The following LARS2 variants were observed in gnomAD, a reference collection of about 807,000 sequenced individuals.
LARS2 encodes the protein leucine--tRNA ligase, mitochondrial.
In LARS2, 81 loss-of-function variants were observed where a neutral mutation model predicts 116.6. The observed-to-expected ratio is 0.69, with a 90% CI of 0.58 to 0.84. The LOEUF is 0.84. Among genes scored for constraint, LARS2 ranks in the 40% least tolerant of loss-of-function variants. The pLI is 0.00. For synonymous variants in LARS2, 396 were observed against 407.2 expected (o/e 0.97, Z 0.33); for missense variants, 968 against 1,114.5 (o/e 0.87, Z 1.87).
chr3:45,409,676 A>G (rs375127985), intron 4 of LARS2, among the ~76,000 whole-genome samples: 128 of 152,266 alleles, frequency 8.4e-4, no homozygotes, highest in African/African-American at 3.0e-3. Flanking sequence ...GCTCTAGGAA[A>G]CCCAGGGTAT....
intron 17 of LARS2, 121 bp downstream of exon 17, chr3:45,516,397 A>G (rs1490193633): frequency 3.1e-6 from 3 of 953,606 alleles, no homozygotes; most frequent in Non-Finnish European, 4.8e-6. Context: ...AATCAGTTCC[A>G]TAGAGCAAGT....
At chr3:45,399,788 C>A (rs11707177) in intron 3 of LARS2, among the ~76,000 whole-genome samples, 5 of 151,592 alleles carry the variant, frequency 3.3e-5, no homozygotes, top group Non-Finnish European at 5.9e-5. Flanking sequence ...CCTTCACCCC[C>A]CTTTCCACCC....
rs767835303 is a variant in LARS2 at position 45,394,448 on chromosome 3, T to A, written c.-6T>A. The A allele has an allele frequency of 3.4e-5, 54 of 1,611,844 alleles. No homozygotes were observed. Among genetic ancestry groups the A allele is most frequent in the Non-Finnish European group, 1.7e-6 (2 of 1,178,034 alleles). ...TCTTTTTCAGGGCCTTCTCACCTTC[T>A]GAAGAATGGCTTCTGTTTGGCAGAG... On this transcript the variant is annotated 5_prime_UTR_variant, in exon 3 of 22. Coordinates refer to ENST00000645846, the MANE Select transcript of LARS2 (RefSeq NM_015340.4).
chr3:45,418,670 G>A (rs997128859), intron 5 of LARS2, among the ~76,000 whole-genome samples: 3 of 152,202 alleles, frequency 2.0e-5, no homozygotes, highest in African/African-American at 7.2e-5. Flanking sequence ...TGGCAGAGCT[G>A]AGTAGTTGTA....
In LARS2 at chr3:45,434,449, T is replaced by G. The variant is rs375487729; in HGVS notation, c.517-12442T>G. Among the ~76,000 whole-genome samples the G allele has an allele frequency of 2.2e-4, 34 of 152,354 alleles. No homozygotes were observed. The South Asian group carries it at 2.9e-3, about 13-fold the overall frequency. On this transcript the variant is annotated intron_variant, in intron 6 of 21. Transcript: ENST00000645846. ...GTTCATTTGGTGGTTCTTTATAACT[T>G]TCTTTGCTGGGACTTTCTATTTTCT...
Position 45,419,687 on chromosome 3 carries a change from G to A in LARS2, c.474G>A (p.Arg158=). The A allele has an allele frequency of 1.2e-6, 2 of 1,613,958 alleles. No homozygotes were observed. Residue 158 remains arginine (R), a synonymous_variant, in exon 6 of 22, where the codon AGG becomes AGA. Transcript: ENST00000645846. The stretch of plus-strand genomic sequence containing the variant: ...TTCACAGTAATATTAAACACATGAG[G>A]AAACAGCTTGATCGTCTGGGCCTGT... ...SWTQSNIKHM[R]KQLDRLGLCF...
At chr3:45,528,787 C>T (rs1449706930) in intron 20 of LARS2, among the ~76,000 whole-genome samples, 3 of 152,000 alleles carry the variant, frequency 2.0e-5, no homozygotes, top group Non-Finnish European at 4.4e-5. Context: ...TATTGTTAAG[C>T]GAGAGGTCAT....
intron 10 of LARS2, among the ~76,000 whole-genome samples, chr3:45,484,508 G>A (rs1424255254): frequency 2.1e-5 from 3 of 142,646 alleles, no homozygotes; most frequent in African/African-American, 7.9e-5. Flanking sequence ...GCTCCTGCCT[G>A]TAATCCCAGC....
At chr3:45,435,653 T>C (rs1698785354) in intron 6 of LARS2, among the ~76,000 whole-genome samples, 1 of 151,944 alleles carries the variant, frequency 6.6e-6, no homozygotes. Context: ...TCCTCTCTCT[T>C]CTTTCTTTTT....
intron 8 of LARS2, among the ~76,000 whole-genome samples, chr3:45,470,534 T>A (rs1699503215): frequency 6.6e-6 from 1 of 152,138 alleles, no homozygotes; most frequent in Admixed American, 6.5e-5. Flanking sequence ...TTCAGACACA[T>A]CCTAGCACAA....
At chr3:45,478,504 A>G (rs1699650067) in intron 10 of LARS2, among the ~76,000 whole-genome samples, 1 of 152,238 alleles carries the variant, frequency 6.6e-6, no homozygotes, top group African/African-American at 2.4e-5. Flanking sequence ...TTTCATATGT[A>G]GGAAATGGAG....
chr3:45,506,686 A>C (rs370157150), intron 15 of LARS2, among the ~76,000 whole-genome samples: 30 of 152,206 alleles, frequency 2.0e-4, no homozygotes, highest in African/African-American at 5.5e-4. Context: ...GCCCCTGATT[A>C]GCTGTGTGGA....
intron 10 of LARS2, 144 bp from the exon 11 acceptor site, chr3:45,485,548 A>C: frequency 5.6e-6 from 3 of 539,378 alleles, no homozygotes; most frequent in Non-Finnish European, 1.0e-5. Context: ...ATCTATTAAT[A>C]CCCTTCAAAG....
intron 6 of LARS2, among the ~76,000 whole-genome samples, chr3:45,428,278 C>G (rs1410613506): frequency 1.0e-5 from 1 of 97,088 alleles, no homozygotes; most frequent in Non-Finnish European, 1.9e-5. Flanking sequence ...GATTCTTGCT[C>G]TATCACCCAG....
At chr3:45,500,684 A>G in intron 15 of LARS2, 105 bp downstream of exon 15, 1 of 812,136 alleles carries the variant, frequency 1.2e-6, no homozygotes. Context: ...GTAGAATACT[A>G]GTTTTCTAGT....
chr3:45,462,311 C>T (rs1377980471), intron 8 of LARS2, among the ~76,000 whole-genome samples: 4 of 151,832 alleles, frequency 2.6e-5, no homozygotes, highest in Non-Finnish European at 5.9e-5. Context: ...GGCTGGGTAC[C>T]GTGGCTCATG....
At chr3:45,534,183 T>C (rs936732974) in intron 20 of LARS2, among the ~76,000 whole-genome samples, 6 of 152,112 alleles carry the variant, frequency 3.9e-5, no homozygotes, top group Non-Finnish European at 7.4e-5. Context: ...GAGATGTGTA[T>C]TGTTTTTTCC....
chr3:45,495,639 A>G (rs1699999610), intron 13 of LARS2: 1 of 152,282 alleles, frequency 6.6e-6, no homozygotes, highest in Admixed American at 6.5e-5. Context: ...GGCAATCTTG[A>G]CATGCCTGGA....
intron 20 of LARS2, among the ~76,000 whole-genome samples, chr3:45,537,832 C>T (rs1700731075): frequency 6.6e-6 from 1 of 152,182 alleles, no homozygotes; most frequent in South Asian, 2.1e-4. Flanking sequence ...GTGACCTCAC[C>T]ACCTCTCAGT....
Sources: gnomAD v4.1 joint callset for allele counts (sites outside exome capture counted in the v4.1 genomes callset) on GRCh38, gnomAD v4.1.1 for gene constraint, MANE v1.5 for transcripts, NCBI Gene and HGNC (gene_info 2026-07-23, HGNC 2026-07-21) for gene names.